Variants in TAF5L observed in about 807,000 individuals in gnomAD.
TAF5L encodes the protein TATA-box binding protein associated factor 5 like, also known as TAF5-like RNA polymerase II p300/CBP-associated factor-associated factor 65 kDa subunit 5L.
Under a neutral mutation model 51.3 loss-of-function variants are expected in TAF5L, and 7 were observed. The observed-to-expected ratio is 0.14, with a 90% CI of 0.08 to 0.26. The LOEUF (loss-of-function observed/expected upper bound fraction) is 0.26. Ranked by LOEUF, TAF5L falls within the 10% of genes least tolerant of loss-of-function variation. The probability of loss-of-function intolerance (pLI) is 1.00; values close to 1 mark genes in which losing one functional copy is unlikely to be tolerated. For missense variants in TAF5L, 575 were observed against 758.9 expected, an observed-to-expected ratio of 0.76 and a Z score of 2.85; for synonymous variants, 291 against 308.1, an observed-to-expected ratio of 0.94 and a Z score of 0.58.
Position 229,602,082 on chromosome 1 carries a change from G to A in TAF5L, c.972+113C>T. On this transcript the variant is annotated intron_variant, in intron 4 of 4. Coordinates refer to ENST00000258281, the Ensembl canonical transcript of TAF5L. The surrounding 1 kb of genome is among the most constrained non-coding windows in gnomAD (Gnocchi z 4.6). ...GTAACATGTCATTAGTCTGGCTTTA[G>A]CTATATGATGAGGGAAACTAGGAAG... 1 of 1,517,730 alleles carries A rather than the reference G, an allele frequency of 6.6e-7. No homozygotes were observed. Among genetic ancestry groups the A allele is most frequent in the Non-Finnish European group, 8.8e-7 (1 of 1,134,380 alleles). The allele number at this position is 1,517,730 out of a possible 1,614,324, so 94.0% of individuals were successfully genotyped here. A position where few individuals can be genotyped will look rare whatever the true frequency, so the allele number is the denominator to read the frequency against.
intron 4 of TAF5L, 75 bp from the exon 5 acceptor site, chr1:229,595,169 C>G: frequency 6.8e-7 from 1 of 1,460,472 alleles, no homozygotes. Flanking sequence ...GAAAACAAGT[C>G]CAGGAGAAAA....
chr1:229,615,897 T>C (rs1319105298), intron 1 of TAF5L, among the ~76,000 whole-genome samples: 1 of 152,214 alleles, frequency 6.6e-6, no homozygotes, highest in East Asian at 1.9e-4. Flanking sequence ...TAAATCAAGG[T>C]TTCCCAGTTG....
In TAF5L at chr1:229,615,617, GA is replaced by G. The variant is rs1199492928; in HGVS notation, c.-3-1133del. On this transcript the variant is annotated intron_variant, in intron 1 of 4. Coordinates refer to ENST00000258281, the Ensembl canonical transcript of TAF5L. The stretch of plus-strand genomic sequence containing the variant: ...CAAAAATAAAAAGAAAAGGGAAAAA[GA>G]AAAAAAAAAAAGAGGCACTGTTTCC... 7.6e-3 allele frequency among the ~76,000 whole-genome samples: 1,020 copies of G among 135,004 alleles called. 6 individuals carry two copies. The highest frequency in any genetic ancestry group is 0.023 in the African/African-American group (861 of 37,130). 88.6% of individuals were successfully genotyped at this position (135,004 alleles called of 152,430 possible). A position where few individuals can be genotyped will look rare whatever the true frequency, so the allele number is the denominator to read the frequency against.
In TAF5L at chr1:229,604,925, T is replaced by C. The variant is rs1367562224; in HGVS notation, c.248-2006A>G. On this transcript the variant is annotated intron_variant, in intron 3 of 4. Transcript: ENST00000258281. ...TCTTTCCTTTCTCGTTCCCTTATCATGGAACATCGGATTACTGACTTTATT... is the reference window on the plus strand; with the variant it reads ...TCTTTCCTTTCTCGTTCCCTTATCACGGAACATCGGATTACTGACTTTATT... Among the ~76,000 whole-genome samples, 4 of 152,278 alleles carry C rather than the reference T, an allele frequency of 2.6e-5. No individual in the cohort carries two copies. The East Asian group carries it at 5.8e-4, about 22-fold the overall frequency.
intron 1 of TAF5L, among the ~76,000 whole-genome samples, chr1:229,622,022 T>C (rs574949381): frequency 3.0e-3 from 6 of 2,010 alleles, no homozygotes; most frequent in African/African-American, 6.0e-3. Context: ...CATCATCATC[T>C]ATCTATCTAT....
chr1:229,604,302 T>C (rs77168017), intron 3 of TAF5L, among the ~76,000 whole-genome samples: 1,924 of 152,248 alleles, frequency 0.013, 38 homozygotes, highest in African/African-American at 0.044. Context: ...ACACCCTATT[T>C]CACTTTATCA....
At chr1:229,614,185 A>G (rs1664888786) in intron 2 of TAF5L, 156 bp downstream of exon 2, 1 of 1,205,998 alleles carries the variant, frequency 8.3e-7, no homozygotes, top group Non-Finnish European at 1.2e-6. Context: ...AGGGTCTCTG[A>G]GGCCAACATC....
intron 1 of TAF5L, among the ~76,000 whole-genome samples, chr1:229,617,997 C>T (rs1265578932): frequency 6.6e-6 from 1 of 152,120 alleles, no homozygotes; most frequent in Non-Finnish European, 1.5e-5. Flanking sequence ...GAGACACGAC[C>T]CAATCAACTC....
Position 229,594,181 on chromosome 1 carries a change from G to C in TAF5L, c.*116C>G. On this transcript the variant is annotated 3_prime_UTR_variant, in exon 5 of 5. Coordinates refer to ENST00000258281, the Ensembl canonical transcript of TAF5L. This position sits in a 1 kb window ranked among gnomAD's most constrained non-coding sequence, Gnocchi z 7.9. ...GGGACCTGCCCGGAATGAGGGCCCA[G>C]GAGAGAGGGGAGGAGGGGGCTCTTT... The C allele has an allele frequency of 4.1e-6, 5 of 1,225,986 alleles. No homozygotes were observed. Among genetic ancestry groups the C allele is most frequent in the Non-Finnish European group, 5.6e-6 (5 of 888,408 alleles). The allele number at this position is 1,225,986 out of a possible 1,614,324, so 75.9% of individuals were successfully genotyped here.
chr1:229,596,974 T>C lies in TAF5L; in HGVS notation c.973-1880A>G, dbSNP rs115384101. Among the ~76,000 whole-genome samples, 257 of 152,344 alleles carry C rather than the reference T, an allele frequency of 1.7e-3. 2 individuals are homozygous for C. Among genetic ancestry groups the C allele is most frequent in the African/African-American group, 5.4e-3 (224 of 41,570 alleles). On this transcript the variant is annotated intron_variant, in intron 4 of 4. Coordinates refer to ENST00000258281, the Ensembl canonical transcript of TAF5L. ...GAGAGAAAATAAACACTGATGTCCA[T>C]GAATATTCACAATGGCTATTCCAAA...
At position 229,601,389 on chromosome 1, in the gene TAF5L, C is replaced by T. The variant is rs373459903; in HGVS notation, c.972+806G>A. 4.1e-5 allele frequency: 40 copies of T among 985,404 alleles called. 1 individual carries two copies. Among genetic ancestry groups the T allele is most frequent in the Middle Eastern group, 1.0e-3 (2 of 1,914 alleles). The allele number at this position is 985,404 out of a possible 1,614,324, so 61.0% of individuals were successfully genotyped here. Reference sequence around the variant, plus strand: ...TTTCAGTGGTGATAAGACAAAAATACTTTGGCCCACAGCTTTTTCAGGACC... The same window carrying T: ...TTTCAGTGGTGATAAGACAAAAATATTTTGGCCCACAGCTTTTTCAGGACC... On this transcript the variant is annotated intron_variant, in intron 4 of 4. Transcript: ENST00000258281.
chr1:229,623,297 A>C (rs1046794090), intron 1 of TAF5L, among the ~76,000 whole-genome samples: 1 of 152,252 alleles, frequency 6.6e-6, no homozygotes. Flanking sequence ...AAAACAAAAC[A>C]AAATACTTTC....
At chr1:229,615,884 C>T (rs895329293) in intron 1 of TAF5L, among the ~76,000 whole-genome samples, 3 of 152,214 alleles carry the variant, frequency 2.0e-5, no homozygotes, top group African/African-American at 7.2e-5. Context: ...AAGTAACATT[C>T]TCTAAATCAA....
intron 1 of TAF5L, among the ~76,000 whole-genome samples, chr1:229,618,657 T>C (rs1160286220): frequency 2.0e-5 from 3 of 152,136 alleles, no homozygotes; most frequent in Admixed American, 1.3e-4. Context: ...GAGGTGGAGA[T>C]ACATGGAACC....
Position 229,602,014 on chromosome 1 carries a change from T to C in TAF5L, c.972+181A>G. ...AAGTTAATGCTGCTAAAAATTGTTT[T>C]TGCATCTTAGGTTAGGCATGTGCAG... On this transcript the variant is annotated intron_variant, in intron 4 of 4. Transcript: ENST00000258281. The surrounding 1 kb of genome is among the most constrained non-coding windows in gnomAD (Gnocchi z 4.6). The C allele has an allele frequency of 1.4e-6, 2 of 1,430,382 alleles. No individual in the cohort carries two copies. Among genetic ancestry groups the C allele is most frequent in the African/African-American group, 1.4e-5 (1 of 69,788 alleles). The allele number at this position is 1,430,382 out of a possible 1,614,324, so 88.6% of individuals were successfully genotyped here.
chr1:229,619,018 G>C (rs1425274311), intron 1 of TAF5L, among the ~76,000 whole-genome samples: 4 of 152,108 alleles, frequency 2.6e-5, no homozygotes, highest in Non-Finnish European at 2.9e-5. Flanking sequence ...TTGAGTAATT[G>C]TATCTTTTTT....
At chr1:229,616,020 TTTTA>T (rs1289188460) in intron 1 of TAF5L, among the ~76,000 whole-genome samples, 2 of 152,114 alleles carry the variant, frequency 1.3e-5, no homozygotes, top group African/African-American at 4.8e-5. Context: ...TTTCATTTTG[TTTTA>T]TTTTTTTTGA....
At chr1:229,607,382 A>C in intron 3 of TAF5L, 1 of 985,430 alleles carries the variant, frequency 1.0e-6, no homozygotes, top group Non-Finnish European at 1.2e-6. Context: ...AACTGCTTTC[A>C]GACTAATATT....
In TAF5L at chr1:229,625,154, C is replaced by G. The variant is rs536656744; in HGVS notation, c.-4+731G>C. Among the ~76,000 whole-genome samples the G allele has an allele frequency of 1.3e-5, 2 of 152,200 alleles. No individual in the cohort carries two copies. Among genetic ancestry groups the G allele is most frequent in the Non-Finnish European group, 2.9e-5 (2 of 68,024 alleles). On this transcript the variant is annotated intron_variant, in intron 1 of 4. Coordinates refer to ENST00000258281, the Ensembl canonical transcript of TAF5L. This position sits in a 1 kb window ranked among gnomAD's most constrained non-coding sequence, Gnocchi z 4.0. The stretch of plus-strand genomic sequence containing the variant: ...ATGTAGCGTTCCTGCACTCCACTTC[C>G]GCTAAGTCTAAAATGACACCACTGT...
Sources: allele counts gnomAD v4.1 joint callset (sites outside exome capture counted in the v4.1 genomes callset), GRCh38; gene constraint gnomAD v4.1.1; non-coding constraint Gnocchi (gnomAD v3.1); transcripts MANE v1.5; gene names NCBI Gene and HGNC (gene_info 2026-07-23, HGNC 2026-07-21).